Variants in ELP3 observed in about 807,000 individuals in gnomAD.
ELP3 encodes the protein elongator acetyltransferase complex subunit 3.
ELP3 carries 56 observed loss-of-function variants against 74.9 expected under a neutral mutation model. The ratio of observed to expected loss-of-function variants is 0.75; its 90% CI spans 0.60 to 0.93. ELP3 has a LOEUF of 0.93. Ranked by LOEUF, ELP3 falls within the 40% of genes least tolerant of loss-of-function variation. ELP3 has a pLI of 0.00. For synonymous variants in ELP3, 222 were observed against 239.8 expected (o/e 0.93, Z 0.68); for missense variants, 573 against 686.5 (o/e 0.83, Z 1.85).
chr8:28,186,891 G>A (rs1815260229), intron 14 of ELP3, among the ~76,000 whole-genome samples: 1 of 152,170 alleles, frequency 6.6e-6, no homozygotes, highest in Non-Finnish European at 1.5e-5. Context: ...ATGAGTTTCA[G>A]AGGAGACAAA....
intron 7 of ELP3, among the ~76,000 whole-genome samples, chr8:28,121,306 TTTA>T (rs888646895): frequency 6.6e-4 from 97 of 147,000 alleles, no homozygotes; most frequent in Non-Finnish European, 6.9e-4. Flanking sequence ...ATTTTTAAAT[TTTA>T]TTATTATTAT....
chr8:28,183,045 G>T, intron 14 of ELP3: 1 of 437,814 alleles, frequency 2.3e-6, no homozygotes, highest in Non-Finnish European at 4.6e-6. Context: ...CCATCCCAGA[G>T]CAAGCAGTGT....
rs185672357 is a variant in ELP3 at position 28,167,756 on chromosome 8, G to A, written c.1567+5678G>A. 9.2e-5 allele frequency among the ~76,000 whole-genome samples: 14 copies of A among 152,256 alleles called. No homozygotes were observed. In the East Asian group the frequency reaches 1.9e-3, roughly 21 times the overall value. On this transcript the variant is annotated intron_variant, in intron 14 of 14. Coordinates refer to ENST00000256398, the MANE Select transcript of ELP3 (RefSeq NM_018091.6). ...TCCCCTAAATGTCCCCTAATTAAAT[G>A]TACATTTTCTGGGTTCTGTATATTC...
intron 7 of ELP3, among the ~76,000 whole-genome samples, chr8:28,119,279 C>G (rs1055019664): frequency 6.6e-6 from 1 of 152,050 alleles, no homozygotes; most frequent in African/African-American, 2.4e-5. Context: ...GTTTTTCTTT[C>G]AGCATTTTAT....
intron 10 of ELP3, among the ~76,000 whole-genome samples, chr8:28,152,048 C>G (rs1235382661): frequency 6.6e-6 from 1 of 152,138 alleles, no homozygotes; most frequent in African/African-American, 2.4e-5. Flanking sequence ...ACTCAGGAGT[C>G]TCTGCTCTGT....
At chr8:28,156,853 T>C (rs752133015) in intron 11 of ELP3, among the ~76,000 whole-genome samples, 1 of 152,168 alleles carries the variant, frequency 6.6e-6, no homozygotes, top group Non-Finnish European at 1.5e-5. Context: ...CTCACTCAAA[T>C]TATTAGGGAG....
At chr8:28,153,972 A>G (rs1160242907) in intron 10 of ELP3, among the ~76,000 whole-genome samples, 1 of 151,910 alleles carries the variant, frequency 6.6e-6, no homozygotes, top group African/African-American at 2.4e-5. Flanking sequence ...CTCTTCATTC[A>G]TTTTCTTCTT....
In ELP3 at chr8:28,147,704, A is replaced by G. The variant is rs766966798; in HGVS notation, c.1101-8238A>G. Among the ~76,000 whole-genome samples the G allele has an allele frequency of 2.0e-5, 3 of 152,152 alleles. No homozygotes were observed. The highest frequency in any genetic ancestry group is 2.9e-5 in the Non-Finnish European group (2 of 68,032). ...TATGTACTGAGAGGTTCTAGAGGCA[A>G]TGACACCCAGCAGTAATAAACACAG... On this transcript the variant is annotated intron_variant, in intron 10 of 14. Coordinates refer to ENST00000256398, the MANE Select transcript of ELP3 (RefSeq NM_018091.6). The surrounding 1 kb of genome is among the most constrained non-coding windows in gnomAD (Gnocchi z 4.5).
At position 28,161,987 on chromosome 8, in the gene ELP3, C is replaced by T. The variant is rs541898499; in HGVS notation, c.1486-10C>T. The T allele has an allele frequency of 5.0e-5, 80 of 1,613,880 alleles. 2 individuals carry two copies. In the South Asian group the frequency reaches 7.8e-4, roughly 16 times the overall value. On this transcript the variant is annotated splice_polypyrimidine_tract_variant and intron_variant, in intron 13 of 14. Coordinates refer to ENST00000256398, the MANE Select transcript of ELP3 (RefSeq NM_018091.6). Reference sequence around the variant, plus strand: ...TTTTAATTCCCACTCCCCATTGTTGCTCCGTGCAGGGATTTGGCATGCTGC... The same window carrying T: ...TTTTAATTCCCACTCCCCATTGTTGTTCCGTGCAGGGATTTGGCATGCTGC...
chr8:28,130,068 A>G lies in ELP3; in HGVS notation c.779+405A>G, dbSNP rs567017311. ...TTTTGTGGAGCAAATACCAACTAGC[A>G]AAAAGTTTGGTGATGCCATGGTTGT... On this transcript the variant is annotated intron_variant, in intron 8 of 14. Coordinates refer to ENST00000256398, the MANE Select transcript of ELP3 (RefSeq NM_018091.6). 3.3e-5 allele frequency among the ~76,000 whole-genome samples: 5 copies of G among 152,348 alleles called. No individual in the cohort carries two copies. In the South Asian group the frequency reaches 1.0e-3, roughly 32 times the overall value.
chr8:28,116,519 A>T (rs555127704), intron 7 of ELP3, among the ~76,000 whole-genome samples: 3 of 152,290 alleles, frequency 2.0e-5, no homozygotes, highest in African/African-American at 7.2e-5. Context: ...GCGGGCAGAT[A>T]GCTTGAGGCC....
At chr8:28,093,125 C>G (rs1485883683), upstream of ELP3, 3 of 1,576,798 alleles carry the variant, frequency 1.9e-6, no homozygotes, top group African/African-American at 4.0e-5. Context: ...TTACGACAGG[C>G]GGGATTGTTT....
intron 1 of ELP3, among the ~76,000 whole-genome samples, chr8:28,094,559 A>G (rs1171296260): frequency 1.3e-5 from 2 of 152,182 alleles, no homozygotes; most frequent in Non-Finnish European, 2.9e-5. Context: ...TCTCTACTAA[A>G]AACACAAAAA....
In ELP3 at chr8:28,158,551, C is replaced by A. The variant is rs771744380; in HGVS notation, c.1192-17C>A. ...CTCCCACCCCCCAACCCCGCTCACGCCATTTTTTTTTGACAGTGTCGAGAT... is the reference window on the plus strand; with the variant it reads ...CTCCCACCCCCCAACCCCGCTCACGACATTTTTTTTTGACAGTGTCGAGAT... On this transcript the variant is annotated splice_polypyrimidine_tract_variant and intron_variant, in intron 11 of 14. Coordinates refer to ENST00000256398, the MANE Select transcript of ELP3 (RefSeq NM_018091.6). 3.7e-6 allele frequency: 6 copies of A among 1,609,408 alleles called. No homozygotes were observed. Among genetic ancestry groups the A allele is most frequent in the Non-Finnish European group, 4.2e-6 (5 of 1,176,802 alleles).
intron 10 of ELP3, among the ~76,000 whole-genome samples, chr8:28,141,172 AC>A (rs1263092739): frequency 2.6e-5 from 4 of 152,162 alleles, no homozygotes; most frequent in African/African-American, 9.7e-5. Context: ...AAAGAGAATA[AC>A]CTAATAGTGG....
Position 28,113,028 on chromosome 8 carries a change from C to T in ELP3, c.472C>T (p.Leu158Phe), listed in dbSNP as rs1393762477. Reference protein sequence around the residue: ...TRHRIEQLKQLGHSVDKVEFI... With the variant: ...TRHRIEQLKQFGHSVDKVEFI... Reference sequence around the variant, plus strand: ...TGAATTTGTCTTTCAGTTAAAACAACTTGGTCATAGTGTGGATAAAGTGGA... The same window carrying T: ...TGAATTTGTCTTTCAGTTAAAACAATTTGGTCATAGTGTGGATAAAGTGGA... The change falls in exon 7 of 15, where the codon CTT becomes TTT. Residue 158 changes from leucine to phenylalanine, a missense_variant. Transcript: ENST00000256398. The T allele has an allele frequency of 1.9e-6, 3 of 1,612,374 alleles. No homozygotes were observed. Among genetic ancestry groups the T allele is most frequent in the Non-Finnish European group, 2.5e-6 (3 of 1,179,384 alleles).
At chr8:28,105,465 C>G (rs1811651943) in intron 3 of ELP3, among the ~76,000 whole-genome samples, 1 of 152,146 alleles carries the variant, frequency 6.6e-6, no homozygotes, top group Non-Finnish European at 1.5e-5. Context: ...CAGCCATTTC[C>G]CCAAGGAGCC....
chr8:28,126,079 G>C (rs1812565228), intron 7 of ELP3, among the ~76,000 whole-genome samples: 1 of 152,096 alleles, frequency 6.6e-6, no homozygotes, highest in Non-Finnish European at 1.5e-5. Context: ...GTTTGAGCCT[G>C]CTGGCTTTCA....
At chr8:28,139,327 C>T in intron 10 of ELP3, among the ~76,000 whole-genome samples, 1 of 151,906 alleles carries the variant, frequency 6.6e-6, no homozygotes, top group Non-Finnish European at 1.5e-5. Context: ...AAGTCAATTA[C>T]AAAAGTTGAA....
Sources: gnomAD v4.1 joint callset for allele counts (sites outside exome capture counted in the v4.1 genomes callset) on GRCh38, gnomAD v4.1.1 for gene constraint, Gnocchi (gnomAD v3.1) non-coding constraint, MANE v1.5 for transcripts, NCBI Gene and HGNC (gene_info 2026-07-23, HGNC 2026-07-21) for gene names.